TMCO6: variants seen among roughly 807,000 people sequenced by gnomAD.
TMCO6 encodes transmembrane and coiled-coil domains 6, also known as transmembrane and coiled-coil domain-containing protein 6.
In TMCO6, 47 loss-of-function variants were observed where a neutral mutation model predicts 61.8. The observed-to-expected ratio is 0.76, with a 90% confidence interval of 0.60 to 0.97. The LOEUF is 0.97. Ranked by LOEUF, TMCO6 falls within the 50% of genes least tolerant of loss-of-function variation. The pLI is 0.00. For synonymous variants in TMCO6, 261 were observed against 254.2 expected, an observed-to-expected ratio of 1.03 and a Z score of -0.25; for missense variants, 557 against 601.6, an observed-to-expected ratio of 0.93 and a Z score of 0.78.
chr5:140,633,042 C>G, the TMCO6 span: 1 of 1,613,594 alleles, frequency 6.2e-7, no homozygotes, highest in Non-Finnish European at 8.5e-7. Flanking sequence ...GAGTGGCACG[C>G]GTTCGACCCC....
chr5:140,622,996 G>GCATGAGCCAC, the TMCO6 span, among the ~76,000 whole-genome samples: 25 of 152,190 alleles, frequency 1.6e-4, no homozygotes, highest in Non-Finnish European at 3.2e-4. Flanking sequence ...GGGATAACAA[G>GCATGAGCCAC]CATGAGCCAC....
Position 140,642,998 on chromosome 5 carries a change from G to A in TMCO6, c.763G>A (p.Val255Ile). 1 of 1,614,224 alleles carries A rather than the reference G, an allele frequency of 6.2e-7. No homozygotes were observed. The highest frequency in any genetic ancestry group is 1.1e-5 in the South Asian group (1 of 91,088). ...ACCTGGCCCAAAGCTCAACCCTGGG[G>A]TCGCTGTGGAGTTTGCCTGGTGCCT... ...LQPGPKLNPG[V>I]AVEFAWCLHY... The change falls in exon 7 of 12, where the codon GTC becomes ATC. Residue 255 changes from valine (V) to isoleucine (I), a missense_variant. By Grantham distance (29) the Val-to-Ile change is conservative. Coordinates refer to ENST00000394671, the MANE Select transcript of TMCO6 (RefSeq NM_018502.5).
the TMCO6 span, among the ~76,000 whole-genome samples, chr5:140,601,055 G>A: frequency 8.4e-4 from 127 of 152,062 alleles, no homozygotes; most frequent in African/African-American, 2.8e-3. Context: ...TAAAACATCC[G>A]TGTATAGGAG....
the TMCO6 span, among the ~76,000 whole-genome samples, chr5:140,631,528 C>A: frequency 1.3e-5 from 2 of 152,166 alleles, no homozygotes; most frequent in Admixed American, 6.5e-5. Context: ...TGACTGCACA[C>A]TCATTGTTTC....
upstream of TMCO6, among the ~76,000 whole-genome samples, chr5:140,637,979 C>CTT (rs1756813761): frequency 1.3e-5 from 2 of 149,034 alleles, no homozygotes; most frequent in African/African-American, 5.0e-5. Context: ...TTCTCCCTTT[C>CTT]TTTCTTTCTT....
chr5:140,642,653 C>A lies in TMCO6; in HGVS notation c.671C>A (p.Ala224Asp). Reference protein sequence around the residue: ...ALSQLLQAEEAPEKIIPSILA... With the variant: ...ALSQLLQAEEDPEKIIPSILA... ...TCCCAGCTTCTACAGGCTGAGGAAG[C>A]TCCAGAGAAGATCATTCCGTGAGTA... The change falls in exon 6 of 12, where the codon GCT becomes GAT. Residue 224 changes from alanine (A) to aspartate (D), a missense_variant. Coordinates refer to ENST00000394671, the MANE Select transcript of TMCO6 (RefSeq NM_018502.5). The A allele has an allele frequency of 6.2e-7, 1 of 1,614,210 alleles. No individual in the cohort carries two copies. The highest frequency in any genetic ancestry group is 8.5e-7 in the Non-Finnish European group (1 of 1,180,040).
At chr5:140,635,727 G>C (rs932727075), upstream of TMCO6, among the ~76,000 whole-genome samples, 10 of 152,176 alleles carry the variant, frequency 6.6e-5, no homozygotes, top group African/African-American at 2.2e-4. Flanking sequence ...TAGTGCAGAG[G>C]GCTCTTAAAA....
the TMCO6 span, chr5:140,631,968 G>A: frequency 6.2e-7 from 1 of 1,613,784 alleles, no homozygotes; most frequent in Non-Finnish European, 8.5e-7. Flanking sequence ...GCCCTCGTGG[G>A]GGAGGGCAGT....
chr5:140,629,955 G>C, the TMCO6 span, among the ~76,000 whole-genome samples: 1 of 148,498 alleles, frequency 6.7e-6, no homozygotes, highest in African/African-American at 2.5e-5. Context: ...AAAAAGGATA[G>C]TCAACCTGTA....
chr5:140,601,441 A>G, the TMCO6 span, among the ~76,000 whole-genome samples: 3 of 152,336 alleles, frequency 2.0e-5, no homozygotes, highest in African/African-American at 7.2e-5. Flanking sequence ...TGGATAAATC[A>G]TATTTGTCCA....
chr5:140,636,804 A>G (rs1391915936), upstream of TMCO6, among the ~76,000 whole-genome samples: 1 of 152,214 alleles, frequency 6.6e-6, no homozygotes, highest in African/African-American at 2.4e-5. Context: ...AATTGGTTTT[A>G]AGAATAACCT....
At chr5:140,629,146 G>T in the TMCO6 span, among the ~76,000 whole-genome samples, 23 of 152,182 alleles carry the variant, frequency 1.5e-4, no homozygotes, top group Non-Finnish European at 1.3e-4. Flanking sequence ...GTGCATGCCT[G>T]TAATCCCAGC....
the TMCO6 span, among the ~76,000 whole-genome samples, chr5:140,627,892 T>C: frequency 6.6e-6 from 1 of 151,446 alleles, no homozygotes; most frequent in Non-Finnish European, 1.5e-5. Context: ...TGAGGCTCCA[T>C]CTCAAAAAAT....
In TMCO6 at chr5:140,645,162, C is replaced by T; in HGVS notation, c.*64C>T. ...CATCAAGCTTGTTTGTCCAGTAGAG[C>T]CTTTGGAGATTTAGGACCATAATGA... On this transcript the variant is annotated 3_prime_UTR_variant, in exon 12 of 12. Transcript: ENST00000394671. The T allele has an allele frequency of 3.3e-6, 5 of 1,526,720 alleles. No individual in the cohort carries two copies. Among genetic ancestry groups the T allele is most frequent in the African/African-American group, 2.7e-5 (2 of 73,272 alleles). The allele number at this position is 1,526,720 out of a possible 1,614,324, so 94.6% of individuals were successfully genotyped here.
chr5:140,644,440 AG>A, intron 10 of TMCO6, 132 bp from the exon 11 acceptor site: 1 of 1,084,690 alleles, frequency 9.2e-7, no homozygotes. Context: ...GGGTAGTTGT[AG>A]GAGTATGAGA....
At chr5:140,626,612 CTCTA>C in the TMCO6 span, among the ~76,000 whole-genome samples, 1 of 152,140 alleles carries the variant, frequency 6.6e-6, no homozygotes, top group African/African-American at 2.4e-5. Context: ...ATCTTTGTGT[CTCTA>C]TCTATTATCA....
the TMCO6 span, chr5:140,632,325 T>G: frequency 1.2e-6 from 2 of 1,614,066 alleles, no homozygotes; most frequent in South Asian, 1.1e-5. The surrounding 1 kb of genome is among the most constrained non-coding windows in gnomAD (Gnocchi z 6.2). Context: ...GGCCGGGAAC[T>G]TGTGGGGACA....
chr5:140,615,165 A>G, the TMCO6 span, among the ~76,000 whole-genome samples: 2 of 152,242 alleles, frequency 1.3e-5, no homozygotes, highest in Non-Finnish European at 2.9e-5. Context: ...GAACAATCTG[A>G]AAAGGATATT....
chr5:140,647,135 C>T (rs895750024), downstream of TMCO6: 13 of 1,084,626 alleles, frequency 1.2e-5, no homozygotes, highest in Non-Finnish European at 1.7e-5. Flanking sequence ...AGATCAACAG[C>T]AAGGCTAAAG....
Sources: gnomAD v4.1 joint callset for allele counts (sites outside exome capture counted in the v4.1 genomes callset) on GRCh38, gnomAD v4.1.1 for gene constraint, Gnocchi (gnomAD v3.1) non-coding constraint, MANE v1.5 for transcripts, NCBI Gene and HGNC (gene_info 2026-07-23, HGNC 2026-07-21) for gene names.